The following SHTN1 variants were observed in gnomAD, a reference collection of about 807,000 sequenced individuals.
SHTN1 encodes the protein shootin-1.
Under a neutral mutation model 83.1 loss-of-function variants are expected in SHTN1, and 42 were observed. That is an observed-to-expected ratio of 0.51 (90% CI 0.39 to 0.65). The LOEUF (loss-of-function observed/expected upper bound fraction) is 0.65. Ranked by LOEUF, SHTN1 falls within the 30% of genes least tolerant of loss-of-function variation. The probability of loss-of-function intolerance (pLI) is 0.00; values close to 1 mark genes in which losing one functional copy is unlikely to be tolerated. For missense variants in SHTN1, 622 were observed against 737.8 expected (o/e 0.84, Z 1.82); for synonymous variants, 224 against 247.7 (o/e 0.90, Z 0.90).
chr10:116,960,140 G>A lies in SHTN1; in HGVS notation c.263C>T (p.Thr88Ile), dbSNP rs1405542055. The A allele has an allele frequency of 3.1e-6, 5 of 1,593,166 alleles. No individual in the cohort carries two copies. Among genetic ancestry groups the A allele is most frequent in the Non-Finnish European group, 4.3e-6 (5 of 1,161,828 alleles). The change falls in exon 4 of 17, where the codon ACA (threonine) becomes ATA (isoleucine). Residue 88 changes from threonine (T) to isoleucine (I), a missense_variant. By Grantham distance (89) the Thr-to-Ile change is moderately conservative. Transcript: ENST00000355371. The part of the protein sequence containing the change: ...TCRESAEALA[T>I]KLNKENKTLK... Reference sequence around the variant, plus strand: ...TTCCTTCATTTGAAGTCTCACCTTTGTTGCCAAAGCTTCAGCACTTTCTCG... The same window carrying A: ...TTCCTTCATTTGAAGTCTCACCTTTATTGCCAAAGCTTCAGCACTTTCTCG...
chr10:116,899,506 GGTGT>G (rs370396879), intron 16 of SHTN1, among the ~76,000 whole-genome samples: 1,544 of 124,560 alleles, frequency 0.012, 26 homozygotes, highest in South Asian at 0.036. Context: ...GGCTGGGGCT[GGTGT>G]GTGTGTGTGT....
At chr10:116,901,664 G>A (rs1485386614) in intron 16 of SHTN1, 101 bp downstream of exon 16, 3 of 1,358,820 alleles carry the variant, frequency 2.2e-6, no homozygotes, top group East Asian at 3.0e-5. Context: ...TTACCGGCGA[G>A]CCAATCAAAA....
At chr10:117,020,495 G>A (rs1388576291) in intron 2 of SHTN1, among the ~76,000 whole-genome samples, 38 of 141,556 alleles carry the variant, frequency 2.7e-4, no homozygotes, top group Admixed American at 2.4e-3. Flanking sequence ...GCAAGACTCC[G>A]TCTCAAAAAA....
intron 2 of SHTN1, among the ~76,000 whole-genome samples, chr10:117,029,257 C>T (rs1325227887): frequency 1.3e-5 from 2 of 152,168 alleles, no homozygotes; most frequent in African/African-American, 2.4e-5. Flanking sequence ...GGAATATTTA[C>T]CTAATGTTTA....
intron 2 of SHTN1, among the ~76,000 whole-genome samples, chr10:117,012,694 A>G (rs1476260011): frequency 1.3e-5 from 2 of 152,230 alleles, no homozygotes; most frequent in Admixed American, 1.3e-4. Context: ...AAGTCTGGCA[A>G]TTAGTTTTTA....
chr10:116,946,307 T>C (rs1032499560), intron 7 of SHTN1, among the ~76,000 whole-genome samples: 3 of 148,148 alleles, frequency 2.0e-5, no homozygotes, highest in East Asian at 3.9e-4. Context: ...TATCTCTGGA[T>C]TGTAAAGGTT....
At chr10:116,924,386 T>G (rs528315720) in intron 11 of SHTN1, among the ~76,000 whole-genome samples, 1 of 118,052 alleles carries the variant, frequency 8.5e-6, no homozygotes, top group Admixed American at 9.2e-5. Flanking sequence ...GGAATTTATC[T>G]GTACTGCTCA....
chr10:117,058,502 T>C (rs974632498), intron 1 of SHTN1, among the ~76,000 whole-genome samples: 2 of 152,106 alleles, frequency 1.3e-5, no homozygotes, highest in African/African-American at 4.8e-5. Flanking sequence ...TTATGGTGGC[T>C]ACTATTAAAA....
At chr10:116,915,297 G>C in intron 13 of SHTN1, 78 bp downstream of exon 13, 5 of 804,400 alleles carry the variant, frequency 6.2e-6, no homozygotes, top group Non-Finnish European at 8.5e-6. Context: ...TCCTGATGCA[G>C]CTTTCATCAA....
In SHTN1 at chr10:116,990,170, A is replaced by C. The variant is rs531190241; in HGVS notation, c.59-10862T>G. ...TTTGAAATTTAAAAAAGAGAAAATT[A>C]GTTCTTTGAATTTGTGACTCCTGTA... On this transcript the variant is annotated intron_variant, in intron 1 of 16. Coordinates refer to ENST00000355371, the MANE Select transcript of SHTN1 (RefSeq NM_001127211.3). Among the ~76,000 whole-genome samples the C allele has an allele frequency of 7.3e-4, 111 of 152,224 alleles. 2 individuals carry two copies. The South Asian group carries it at 0.022, about 30-fold the overall frequency.
chr10:117,124,137 G>A (rs1853971789), intron 1 of SHTN1, among the ~76,000 whole-genome samples: 1 of 151,246 alleles, frequency 6.6e-6, no homozygotes, highest in Non-Finnish European at 1.5e-5. Flanking sequence ...CTTGAGCCTG[G>A]GAGGTTGAAG....
intron 1 of SHTN1, among the ~76,000 whole-genome samples, chr10:117,079,664 G>GAAA (rs1339840991): frequency 7.7e-5 from 2 of 25,986 alleles, no homozygotes; most frequent in Admixed American, 6.0e-4. Flanking sequence ...CAGTGTAAAA[G>GAAA]TGTTCCTATT....
intron 1 of SHTN1, among the ~76,000 whole-genome samples, chr10:116,981,618 A>G (rs1015623596): frequency 1.1e-4 from 16 of 152,218 alleles, no homozygotes; most frequent in Admixed American, 7.2e-4. Context: ...ACAGATATAT[A>G]AGTATTTTAT....
chr10:116,993,775 G>GT (rs1392640008), intron 1 of SHTN1, among the ~76,000 whole-genome samples: 1 of 152,046 alleles, frequency 6.6e-6, no homozygotes, highest in Admixed American at 6.6e-5. Context: ...TTTATAATAT[G>GT]TTTGCTTACA....
intron 2 of SHTN1, among the ~76,000 whole-genome samples, chr10:117,019,059 C>T (rs1023685993): frequency 3.3e-5 from 5 of 152,052 alleles, no homozygotes; most frequent in African/African-American, 1.2e-4. Context: ...AATGGACTTA[C>T]TAAAGTCACA....
chr10:116,930,936 T>C (rs1848937452), intron 9 of SHTN1, among the ~76,000 whole-genome samples: 1 of 152,198 alleles, frequency 6.6e-6, no homozygotes, highest in Non-Finnish European at 1.5e-5. Context: ...TGACATGAGA[T>C]GGTATCTCAT....
At chr10:117,040,660 T>C (rs1303092281) in intron 2 of SHTN1, among the ~76,000 whole-genome samples, 4 of 152,184 alleles carry the variant, frequency 2.6e-5, no homozygotes, top group Non-Finnish European at 5.9e-5. Flanking sequence ...TTTAATAGAA[T>C]GCATACGCTT....
At chr10:116,925,788 T>G (rs184638447) in intron 11 of SHTN1, among the ~76,000 whole-genome samples, 133 of 152,298 alleles carry the variant, frequency 8.7e-4, no homozygotes, top group African/African-American at 3.2e-3. Flanking sequence ...TGGAGTCAAA[T>G]GAGTGGGAAG....
At chr10:116,932,218 C>T (rs924743568) in intron 9 of SHTN1, among the ~76,000 whole-genome samples, 2 of 152,160 alleles carry the variant, frequency 1.3e-5, no homozygotes, top group Admixed American at 6.5e-5. Context: ...TTCCCCAACC[C>T]CCAGGTCTTG....
Sources: allele counts gnomAD v4.1 joint callset (sites outside exome capture counted in the v4.1 genomes callset), GRCh38; gene constraint gnomAD v4.1.1; transcripts MANE v1.5; gene names NCBI Gene and HGNC (gene_info 2026-07-23, HGNC 2026-07-21).